Variants in LINC00305 observed in about 807,000 individuals in gnomAD.
The protein encoded by LINC00305 is long intergenic non-protein coding RNA 305.
At position 64,094,345 on chromosome 18, in the gene LINC00305, T is replaced by C. The variant is rs563171914; in HGVS notation, n.540+3489A>G. On this transcript the variant is annotated intron_variant and non_coding_transcript_variant, in intron 3 of 3. Transcript: ENST00000666468. The stretch of plus-strand genomic sequence containing the variant: ...CATGGAAATTAAGGAAAGCAAGTCC[T>C]GGCAGCACCCCATGGATATTCCCTT... Among the ~76,000 whole-genome samples the C allele has an allele frequency of 9.2e-5, 14 of 152,318 alleles. No homozygotes were observed. In the South Asian group the frequency reaches 1.0e-3, roughly 11 times the overall value.
At chr18:64,122,426 A>G (rs1010726975) in intron 1 of LINC00305, among the ~76,000 whole-genome samples, 1 of 152,024 alleles carries the variant, frequency 6.6e-6, no homozygotes, top group Non-Finnish European at 1.5e-5. Flanking sequence ...TTCCCAGACT[A>G]TTTATTGAAA....
intron 3 of LINC00305, among the ~76,000 whole-genome samples, chr18:64,089,147 G>A (rs2051215446): frequency 6.6e-6 from 1 of 152,164 alleles, no homozygotes; most frequent in Non-Finnish European, 1.5e-5. Context: ...TTAATCCCCA[G>A]AGGTAGAGAG....
At chr18:64,106,734 G>A (rs1373508880) in intron 1 of LINC00305, among the ~76,000 whole-genome samples, 1 of 152,144 alleles carries the variant, frequency 6.6e-6, no homozygotes, top group Non-Finnish European at 1.5e-5. Flanking sequence ...CTTCCAGTGA[G>A]TCAAGGAGCA....
chr18:64,140,012 A>C (rs1379215631), intron 1 of LINC00305, among the ~76,000 whole-genome samples: 2 of 151,996 alleles, frequency 1.3e-5, no homozygotes, highest in African/African-American at 4.8e-5. Context: ...TTAAACACAC[A>C]AAGACTGCTC....
intron 1 of LINC00305, among the ~76,000 whole-genome samples, chr18:64,137,847 T>TACAC (rs34096602): frequency 0.098 from 14,535 of 148,522 alleles, 807 homozygotes; most frequent in East Asian, 0.14. Flanking sequence ...TACACACACA[T>TACAC]ACACACACAC....
intron 1 of LINC00305, among the ~76,000 whole-genome samples, chr18:64,118,073 T>C (rs952740519): frequency 6.6e-6 from 1 of 152,166 alleles, no homozygotes; most frequent in East Asian, 1.9e-4. Flanking sequence ...GAATGCATTA[T>C]ATAAAAGTAA....
chr18:64,123,006 A>G (rs1436452346), intron 1 of LINC00305, among the ~76,000 whole-genome samples: 2 of 152,128 alleles, frequency 1.3e-5, no homozygotes, highest in Non-Finnish European at 2.9e-5. Context: ...ATTGGTATAT[A>G]GAATTAATAC....
intron 1 of LINC00305, among the ~76,000 whole-genome samples, chr18:64,121,561 T>A (rs117034540): frequency 3.5e-4 from 53 of 152,260 alleles, no homozygotes; most frequent in Non-Finnish European, 6.3e-4. Flanking sequence ...CCATTGGGTA[T>A]ATATGCCACA....
At chr18:64,135,909 C>T (rs139391739) in intron 1 of LINC00305, among the ~76,000 whole-genome samples, 230 of 152,116 alleles carry the variant, frequency 1.5e-3, no homozygotes, top group Non-Finnish European at 2.4e-3. Context: ...TGGTTTCCCA[C>T]GTAACAAAAG....
At chr18:64,137,285 G>A (rs1418701461) in intron 1 of LINC00305, among the ~76,000 whole-genome samples, 1 of 152,170 alleles carries the variant, frequency 6.6e-6, no homozygotes, top group Non-Finnish European at 1.5e-5. Flanking sequence ...TTTGGATGGA[G>A]CATGGCCCTG....
chr18:64,084,014 CCCTGAAGCT>C (rs2051194213), intron 3 of LINC00305, among the ~76,000 whole-genome samples: 1 of 152,180 alleles, frequency 6.6e-6, no homozygotes, highest in Admixed American at 6.5e-5. Context: ...TGGCCAGAGT[CCCTGAAGCT>C]CCATGGTTTG....
Position 64,120,683 on chromosome 18 carries a change from G to A in LINC00305, n.315-22043C>T, listed in dbSNP as rs1316131109. On this transcript the variant is annotated intron_variant and non_coding_transcript_variant, in intron 1 of 3. Coordinates refer to ENST00000666468, the Ensembl canonical transcript of LINC00305. ...TCAATCCTCCATTAGCCAGATTCTA[G>A]AGAGCAAGGCATGAATGATAGCAAT... Among the ~76,000 whole-genome samples the A allele has an allele frequency of 3.3e-5, 5 of 152,132 alleles. No individual in the cohort carries two copies. In the South Asian group the frequency reaches 1.0e-3, roughly 32 times the overall value.
chr18:64,132,412 T>C (rs1265303230), intron 1 of LINC00305, among the ~76,000 whole-genome samples: 1 of 152,262 alleles, frequency 6.6e-6, no homozygotes, highest in Non-Finnish European at 1.5e-5. Flanking sequence ...TGCCTCATTA[T>C]ATTAATTATT....
intron 1 of LINC00305, among the ~76,000 whole-genome samples, chr18:64,131,670 G>T (rs999559308): frequency 6.6e-6 from 1 of 152,192 alleles, no homozygotes; most frequent in Non-Finnish European, 1.5e-5. Flanking sequence ...ATAAGGGATA[G>T]CCTATGATGG....
intron 1 of LINC00305, among the ~76,000 whole-genome samples, chr18:64,143,596 A>G (rs1266227423): frequency 1.1e-4 from 10 of 91,900 alleles, no homozygotes; most frequent in Non-Finnish European, 1.9e-4. Flanking sequence ...ATATGTACAC[A>G]TATGTATATG....
intron 1 of LINC00305, among the ~76,000 whole-genome samples, chr18:64,118,599 C>T (rs141346153): frequency 3.9e-4 from 60 of 152,146 alleles, no homozygotes; most frequent in African/African-American, 1.4e-3. Flanking sequence ...TAAAGCTTTA[C>T]GTGGTGACAC....
intron 1 of LINC00305, among the ~76,000 whole-genome samples, chr18:64,135,289 C>G (rs2051427724): frequency 1.3e-5 from 2 of 152,144 alleles, no homozygotes; most frequent in Admixed American, 6.5e-5. Context: ...AAGGTAACAT[C>G]CTAAGGCTCC....
intron 1 of LINC00305, among the ~76,000 whole-genome samples, chr18:64,145,113 C>G (rs2051490896): frequency 6.6e-6 from 1 of 152,104 alleles, no homozygotes; most frequent in Non-Finnish European, 1.5e-5. Context: ...TGTTTGTAAC[C>G]AGCTTTTGTT....
chr18:64,107,839 C>T (rs1334769838), intron 1 of LINC00305, among the ~76,000 whole-genome samples: 4 of 152,116 alleles, frequency 2.6e-5, no homozygotes, highest in Non-Finnish European at 4.4e-5. Context: ...GAGACCTGTC[C>T]ATAATATCCA....
Sources: allele counts gnomAD v4.1 joint callset (sites outside exome capture counted in the v4.1 genomes callset), GRCh38; gene constraint gnomAD v4.1.1; transcripts MANE v1.5; gene names NCBI Gene and HGNC (gene_info 2026-07-23, HGNC 2026-07-21).